The following AGBL1 variants were observed in gnomAD, a reference collection of about 807,000 sequenced individuals.
The protein encoded by AGBL1 is cytosolic carboxypeptidase 4.
AGBL1 carries 130 observed loss-of-function variants against 118.9 expected under a neutral mutation model. The observed-to-expected ratio is 1.09, with a 90% CI of 0.95 to 1.26. The LOEUF is 1.26. Among genes scored for constraint, AGBL1 ranks in the 50% most tolerant of loss-of-function variants. AGBL1 has a pLI of 0.00. For missense variants in AGBL1, 1,584 were observed against 1,298.1 expected, an observed-to-expected ratio of 1.22 and a Z score of -3.38; for synonymous variants, 555 against 478.9, an observed-to-expected ratio of 1.16 and a Z score of -2.08.
In AGBL1 at chr15:86,215,221, ATGCGTGTGTGTGTGTGTGTGTGTGTG is replaced by A. The variant is rs2078167009; in HGVS notation, c.489-9690_489-9665del. Among the ~76,000 whole-genome samples, 4 of 124,774 alleles carry A rather than the reference ATGCGTGTGTGTGTGTGTGTGTGTGTG, an allele frequency of 3.2e-5. No individual in the cohort carries two copies. The South Asian group carries it at 9.7e-4, about 30-fold the overall frequency. The allele number at this position is 124,774 out of a possible 152,430, so 81.9% of individuals were successfully genotyped here. ...TGTGTGTGTGTGTGAGTGTATATGT[ATGCGTGTGTGTGTGTGTGTGTGTGTG>A]TGTGTGTGTGTGTGTGTGATTTTAT... is the stretch of plus-strand genomic sequence containing the variant. On this transcript the variant is annotated intron_variant, in intron 5 of 22. Transcript: ENST00000614907.
At chr15:86,971,311 T>C (rs2081106403) in intron 23 of AGBL1, among the ~76,000 whole-genome samples, 1 of 152,010 alleles carries the variant, frequency 6.6e-6, no homozygotes, top group African/African-American at 2.4e-5. Flanking sequence ...TGAGTATGTT[T>C]CTATTAAGAG....
At chr15:86,361,997 T>C (rs1260947433) in intron 17 of AGBL1, among the ~76,000 whole-genome samples, 5 of 152,170 alleles carry the variant, frequency 3.3e-5, no homozygotes, top group Non-Finnish European at 5.9e-5. Flanking sequence ...TCCAACTGTT[T>C]TGTAGTTTCT....
intron 21 of AGBL1, among the ~76,000 whole-genome samples, chr15:86,616,374 G>GAAAAAAAAAAAA (rs2084725990): frequency 7.0e-6 from 1 of 142,392 alleles, no homozygotes; most frequent in African/African-American, 2.8e-5. Context: ...AAAAAAAAAT[G>GAAAAAAAAAAAA]AAGATGGAAA....
intron 22 of AGBL1, among the ~76,000 whole-genome samples, chr15:86,710,317 A>G (rs749361914): frequency 6.6e-6 from 1 of 152,182 alleles, no homozygotes; most frequent in Non-Finnish European, 1.5e-5. Context: ...ACTTAGTAAG[A>G]CCTATTAGAC....
intron 22 of AGBL1, among the ~76,000 whole-genome samples, chr15:86,808,036 T>C (rs2078741832): frequency 6.6e-6 from 1 of 152,128 alleles, no homozygotes; most frequent in South Asian, 2.1e-4. Flanking sequence ...CCAACCTTGA[T>C]GAGTTAGAGG....
At chr15:86,384,233 G>A (rs1249471844) in intron 17 of AGBL1, among the ~76,000 whole-genome samples, 1 of 152,158 alleles carries the variant, frequency 6.6e-6, no homozygotes, top group Non-Finnish European at 1.5e-5. Flanking sequence ...AACTCCTGAA[G>A]CTTGAGGGAA....
At chr15:86,870,454 CAAA>C (rs770556494) in intron 22 of AGBL1, among the ~76,000 whole-genome samples, 4 of 64,118 alleles carry the variant, frequency 6.2e-5, no homozygotes, top group African/African-American at 3.1e-4. Flanking sequence ...AAGCATACTG[CAAA>C]AAAAAAAAAA....
At chr15:86,315,366 A>G (rs2079986222) in intron 17 of AGBL1, among the ~76,000 whole-genome samples, 1 of 152,176 alleles carries the variant, frequency 6.6e-6, no homozygotes, top group Non-Finnish European at 1.5e-5. Flanking sequence ...CCTCAGTTTC[A>G]TCATCTGTAA....
intron 22 of AGBL1, among the ~76,000 whole-genome samples, chr15:86,698,727 T>C (rs1280247094): frequency 6.6e-6 from 1 of 151,814 alleles, no homozygotes; most frequent in East Asian, 1.9e-4. Flanking sequence ...CTGCAGTTTT[T>C]CTGGGATGCC....
intron 24 of AGBL1, among the ~76,000 whole-genome samples, chr15:86,994,261 A>G (rs1360250422): frequency 6.6e-6 from 1 of 152,088 alleles, no homozygotes; most frequent in Non-Finnish European, 1.5e-5. Context: ...ACTGATTTTC[A>G]CTTGAACAAC....
At chr15:86,435,280 G>A (rs1205265753) in intron 18 of AGBL1, among the ~76,000 whole-genome samples, 1 of 152,188 alleles carries the variant, frequency 6.6e-6, no homozygotes, top group Non-Finnish European at 1.5e-5. Flanking sequence ...GCTCTGAGTT[G>A]AGGTTATGCT....
chr15:86,081,452 CT>C (rs1297304230), intron 1 of AGBL1, among the ~76,000 whole-genome samples: 3 of 152,180 alleles, frequency 2.0e-5, no homozygotes, highest in Non-Finnish European at 4.4e-5. Context: ...AAATAGGCTC[CT>C]TGATGTCAAA....
chr15:86,889,044 T>A (rs2080013185), intron 22 of AGBL1, among the ~76,000 whole-genome samples: 1 of 152,144 alleles, frequency 6.6e-6, no homozygotes, highest in Non-Finnish European at 1.5e-5. Flanking sequence ...ATGCATATTA[T>A]CTTTTAACTT....
At chr15:86,508,439 T>A (rs982037203) in intron 18 of AGBL1, among the ~76,000 whole-genome samples, 2 of 152,064 alleles carry the variant, frequency 1.3e-5, no homozygotes, top group Admixed American at 6.6e-5. Flanking sequence ...TTTCCAGACT[T>A]TTTCCAGGAA....
intron 23 of AGBL1, among the ~76,000 whole-genome samples, chr15:86,955,454 T>C (rs1018755458): frequency 2.0e-5 from 3 of 151,570 alleles, no homozygotes; most frequent in East Asian, 1.9e-4. Context: ...ATGGAAGAAA[T>C]AGAAATGAGT....
intron 18 of AGBL1, among the ~76,000 whole-genome samples, chr15:86,507,436 T>C (rs1194841993): frequency 6.6e-6 from 1 of 152,140 alleles, no homozygotes; most frequent in Non-Finnish European, 1.5e-5. Context: ...GAATTGTTTT[T>C]TGGGGCTGAG....
At chr15:86,539,195 T>C (rs2083462909) in intron 19 of AGBL1, among the ~76,000 whole-genome samples, 1 of 152,220 alleles carries the variant, frequency 6.6e-6, no homozygotes. Context: ...TAGATGAAAC[T>C]ACACAAAGTC....
intron 22 of AGBL1, among the ~76,000 whole-genome samples, chr15:86,716,893 G>A (rs568022970): frequency 1.1e-4 from 16 of 152,294 alleles, no homozygotes; most frequent in African/African-American, 1.2e-4. Flanking sequence ...ACCCTTGTCC[G>A]GCCATTTATT....
rs116003018 is a variant in AGBL1 at position 86,697,810 on chromosome 15, A to G, written c.3158+23374A>G. On this transcript the variant is annotated intron_variant, in intron 22 of 22. Coordinates refer to ENST00000614907, the MANE Select transcript of AGBL1 (RefSeq NM_001386094.1). ...GATGTAATACTCTCCCCCTTTTCCT[A>G]GAGATGTGGCTTCCTGAGAGCTTAA... 7.5e-3 allele frequency among the ~76,000 whole-genome samples: 1,141 copies of G among 151,952 alleles called. 17 individuals are homozygous for G. Among genetic ancestry groups the G allele is most frequent in the African/African-American group, 0.026 (1,093 of 41,478 alleles).
Sources: gnomAD v4.1 joint callset for allele counts (sites outside exome capture counted in the v4.1 genomes callset) on GRCh38, gnomAD v4.1.1 for gene constraint, MANE v1.5 for transcripts, NCBI Gene and HGNC (gene_info 2026-07-23, HGNC 2026-07-21) for gene names.